Variants in GALNT17 observed in about 807,000 individuals in gnomAD.
GALNT17 encodes polypeptide N-acetylgalactosaminyltransferase 17.
A neutral mutation model predicts 63.7 loss-of-function variants in GALNT17; 29 were observed. The observed-to-expected ratio is 0.46, with a 90% confidence interval of 0.34 to 0.62. The LOEUF is 0.62. Among genes scored for constraint, GALNT17 ranks in the 20% least tolerant of loss-of-function variants. GALNT17 has a pLI of 0.01. For synonymous variants in GALNT17, 305 were observed against 318.3 expected, an observed-to-expected ratio of 0.96 and a Z score of 0.45; for missense variants, 603 against 799.6, an observed-to-expected ratio of 0.75 and a Z score of 2.97.
intron 1 of GALNT17, among the ~76,000 whole-genome samples, chr7:71,265,098 T>TTTTTTATATATATATATATATATATA (rs144493671): frequency 6.4e-5 from 5 of 78,370 alleles, no homozygotes; most frequent in African/African-American, 2.3e-4. Context: ...CCCATAAATA[T>TTTTTTATATATATATATATATATATA]TATATATATA....
intron 5 of GALNT17, among the ~76,000 whole-genome samples, chr7:71,477,138 A>G (rs1787737519): frequency 6.6e-6 from 1 of 152,194 alleles, no homozygotes. Context: ...ATTAATTATC[A>G]TCATCATCAT....
At chr7:71,543,387 T>G (rs1788926183) in intron 5 of GALNT17, among the ~76,000 whole-genome samples, 1 of 152,230 alleles carries the variant, frequency 6.6e-6, no homozygotes, top group Admixed American at 6.5e-5. Flanking sequence ...AGCTCAAATC[T>G]GTCTCTCTGT....
rs182402464 is a variant in GALNT17 at position 71,660,510 on chromosome 7, C to T, written c.1081-4901C>T. Among the ~76,000 whole-genome samples the T allele has an allele frequency of 4.7e-3, 719 of 152,366 alleles. 19 individuals carry two copies. Among genetic ancestry groups the T allele is most frequent in the Admixed American group, 0.031 (479 of 15,306 alleles). ...CCTGCCTAGGAACTCACCATGTGGG[C>T]TGGTAAACACTGATGTAGAGAATAG... On this transcript the variant is annotated intron_variant, in intron 6 of 10. Transcript: ENST00000333538.
At chr7:71,432,423 C>G (rs1162165463) in intron 5 of GALNT17, among the ~76,000 whole-genome samples, 3 of 152,154 alleles carry the variant, frequency 2.0e-5, no homozygotes, top group Non-Finnish European at 4.4e-5. Flanking sequence ...CAACCTCCAG[C>G]CCTTGCCCAC....
intron 3 of GALNT17, among the ~76,000 whole-genome samples, chr7:71,410,606 TC>T (rs1418261039): frequency 2.0e-5 from 3 of 152,214 alleles, no homozygotes; most frequent in African/African-American, 7.2e-5. Flanking sequence ...CAATACTTGC[TC>T]CTGAGCAGGG....
intron 1 of GALNT17, among the ~76,000 whole-genome samples, chr7:71,244,301 T>G (rs113706198): frequency 3.9e-4 from 60 of 152,306 alleles, no homozygotes; most frequent in African/African-American, 1.4e-3. Context: ...AAGGGTTGAT[T>G]GACACTAAGA....
intron 1 of GALNT17, among the ~76,000 whole-genome samples, chr7:71,159,081 TC>T (rs1489163438): frequency 9.2e-5 from 14 of 151,740 alleles, no homozygotes; most frequent in African/African-American, 2.9e-4. Context: ...TTTTCTCACA[TC>T]CAATAGCTGT....
chr7:71,142,796 C>T (rs763036309), intron 1 of GALNT17, among the ~76,000 whole-genome samples: 1 of 152,012 alleles, frequency 6.6e-6, no homozygotes, highest in Non-Finnish European at 1.5e-5. Context: ...CAAAAATTAG[C>T]TGGGCTTGGT....
chr7:71,616,205 A>G (rs1329976975), intron 6 of GALNT17, among the ~76,000 whole-genome samples: 1 of 152,062 alleles, frequency 6.6e-6, no homozygotes. Context: ...ACTAGAATCT[A>G]GTCTGTTCGA....
intron 2 of GALNT17, among the ~76,000 whole-genome samples, chr7:71,383,340 C>T (rs1792880276): frequency 6.6e-6 from 1 of 152,224 alleles, no homozygotes; most frequent in South Asian, 2.1e-4. Context: ...AAACTACGCA[C>T]ATCCTCACAT....
intron 1 of GALNT17, among the ~76,000 whole-genome samples, chr7:71,311,547 T>C (rs1386283613): frequency 6.6e-6 from 1 of 152,146 alleles, no homozygotes; most frequent in East Asian, 1.9e-4. Context: ...ACCTAAGGCC[T>C]GAGTCACATT....
chr7:71,528,516 G>A (rs1788662111), intron 5 of GALNT17, among the ~76,000 whole-genome samples: 3 of 152,156 alleles, frequency 2.0e-5, no homozygotes, highest in African/African-American at 7.2e-5. Flanking sequence ...TGCTCCATGT[G>A]TCTTCTCATC....
At position 71,433,437 on chromosome 7, in the gene GALNT17, G is replaced by T. The variant is rs140160420; in HGVS notation, c.962+12332G>T. The stretch of plus-strand genomic sequence containing the variant: ...AAGTGATGAAAATGTTCCAAAATTG[G>T]TTTTTGTGACATTGCATAACTCTAT... On this transcript the variant is annotated intron_variant, in intron 5 of 10. Transcript: ENST00000333538. Among the ~76,000 whole-genome samples the T allele has an allele frequency of 9.5e-3, 1,454 of 152,308 alleles. 14 individuals carry two copies. The highest frequency in any genetic ancestry group is 0.016 in the Non-Finnish European group (1,108 of 68,018).
At chr7:71,411,538 T>A (rs1793430285) in intron 3 of GALNT17, among the ~76,000 whole-genome samples, 1 of 152,168 alleles carries the variant, frequency 6.6e-6, no homozygotes, top group Admixed American at 6.5e-5. Context: ...GAATTTGGGC[T>A]CTTGCACCCC....
chr7:71,589,659 A>G (rs746572570), intron 6 of GALNT17, among the ~76,000 whole-genome samples: 1 of 152,036 alleles, frequency 6.6e-6, no homozygotes, highest in Non-Finnish European at 1.5e-5. Context: ...TATAAACATT[A>G]CATTATTCAG....
intron 1 of GALNT17, among the ~76,000 whole-genome samples, chr7:71,199,573 A>G (rs1171738817): frequency 7.5e-6 from 1 of 133,948 alleles, no homozygotes; most frequent in Non-Finnish European, 1.6e-5. Context: ...CATCCTGCCT[A>G]CCCTTCTGCT....
intron 1 of GALNT17, among the ~76,000 whole-genome samples, chr7:71,331,594 T>G (rs183125143): frequency 1.5e-3 from 229 of 152,130 alleles, no homozygotes; most frequent in African/African-American, 5.0e-3. Context: ...ACCTGTAATT[T>G]CAGGTACTTG....
intron 6 of GALNT17, among the ~76,000 whole-genome samples, chr7:71,648,920 A>G (rs999555486): frequency 6.6e-6 from 1 of 152,256 alleles, no homozygotes; most frequent in Non-Finnish European, 1.5e-5. Context: ...CTGTAATGTC[A>G]TGCCATACAA....
chr7:71,161,940 C>T (rs1243674268), intron 1 of GALNT17, among the ~76,000 whole-genome samples: 1 of 149,836 alleles, frequency 6.7e-6, no homozygotes, highest in South Asian at 2.2e-4. Flanking sequence ...CCCTTCTCTT[C>T]CCCTCCCCTC....
Sources: allele counts gnomAD v4.1 joint callset (sites outside exome capture counted in the v4.1 genomes callset), GRCh38; gene constraint gnomAD v4.1.1; transcripts MANE v1.5; gene names NCBI Gene and HGNC (gene_info 2026-07-23, HGNC 2026-07-21).